Variants in C3orf70 observed in about 807,000 individuals in gnomAD.
C3orf70 encodes the protein chromosome 3 open reading frame 70.
C3orf70 carries 15 observed loss-of-function variants against 20.7 expected under a neutral mutation model. That is an observed-to-expected ratio of 0.72 (90% CI 0.48 to 1.11). The LOEUF (loss-of-function observed/expected upper bound fraction) is 1.11. C3orf70 is among the 50% of genes most tolerant of loss of function. The pLI, the probability that C3orf70 is intolerant of heterozygous loss-of-function variation, is 0.00. For synonymous variants in C3orf70, 161 were observed against 125.7 expected (o/e 1.28, Z -1.88); for missense variants, 332 against 317.6 (o/e 1.05, Z -0.34).
intron 1 of C3orf70, among the ~76,000 whole-genome samples, chr3:185,151,560 A>G (rs1716989427): frequency 1.3e-5 from 2 of 152,238 alleles, no homozygotes; most frequent in Non-Finnish European, 2.9e-5. Context: ...TTGTAAAGAA[A>G]ATGATCCTCT....
At chr3:185,091,939 ATATATATATATATATATATATATATTT>A (rs1371078175) in intron 1 of C3orf70, among the ~76,000 whole-genome samples, 77 of 5,876 alleles carry the variant, frequency 0.013, 10 homozygotes, top group African/African-American at 0.038. Flanking sequence ...ATATATATAT[ATATATATATATATATATATATATATTT>A]TTTTTTTTTT....
intron 1 of C3orf70, among the ~76,000 whole-genome samples, chr3:185,140,452 G>A (rs989278246): frequency 6.6e-6 from 1 of 152,160 alleles, no homozygotes; most frequent in Non-Finnish European, 1.5e-5. Context: ...AAATAAGCAC[G>A]TGAACATTAG....
rs1234411321 is a variant in C3orf70 at position 185,091,689 on chromosome 3, C to CT, written c.197-8127dup. On this transcript the variant is annotated intron_variant, in intron 1 of 1. Coordinates refer to ENST00000335012, the MANE Select transcript of C3orf70 (RefSeq NM_001025266.3). ...AGCTCTGCTGCTTGGAGCCATTTTA[C>CT]TTTTTTTTTTTTGGAGGCAGAGTCT... 5.7e-3 allele frequency among the ~76,000 whole-genome samples: 792 copies of CT among 140,142 alleles called. 8 individuals carry two copies. The highest frequency in any genetic ancestry group is 0.018 in the African/African-American group (664 of 37,918). 91.9% of individuals were successfully genotyped at this position (140,142 alleles called of 152,430 possible).
At chr3:185,102,575 A>G (rs899805171) in intron 1 of C3orf70, among the ~76,000 whole-genome samples, 2 of 152,240 alleles carry the variant, frequency 1.3e-5, no homozygotes, top group African/African-American at 4.8e-5. Context: ...ATGCACTGGA[A>G]CCAAAAACGA....
At position 185,078,803 on chromosome 3, in the gene C3orf70, T is replaced by C. The variant is rs534542353; in HGVS notation, c.*4204A>G. Reference sequence around the variant, plus strand: ...ATATTAAGAGCTGACTGTAGAAATATTTTAACTTGTGCTTTTTCTCCTGCC... The same window carrying C: ...ATATTAAGAGCTGACTGTAGAAATACTTTAACTTGTGCTTTTTCTCCTGCC... On this transcript the variant is annotated 3_prime_UTR_variant, in exon 2 of 2. Transcript: ENST00000335012. The C allele has an allele frequency of 6.6e-6, 1 of 152,340 alleles. No homozygotes were observed. Among genetic ancestry groups the C allele is most frequent in the East Asian group, 1.9e-4 (1 of 5,192 alleles). 9.4% of individuals were successfully genotyped at this position (152,340 alleles called of 1,614,324 possible). A position where few individuals can be genotyped will look rare whatever the true frequency, so the allele number is the denominator to read the frequency against.
At chr3:185,117,493 T>A (rs13433870) in intron 1 of C3orf70, among the ~76,000 whole-genome samples, 7,811 of 151,100 alleles carry the variant, frequency 0.052, 657 homozygotes, top group African/African-American at 0.18. Context: ...GCCACTGATA[T>A]GGCAGAACTG....
intron 1 of C3orf70, among the ~76,000 whole-genome samples, chr3:185,146,067 C>A (rs1716868926): frequency 1.3e-5 from 2 of 152,006 alleles, no homozygotes; most frequent in Admixed American, 1.3e-4. Context: ...TCTCGAAGAA[C>A]CTATCAGCTT....
chr3:185,116,945 AT>A (rs944935701), intron 1 of C3orf70, among the ~76,000 whole-genome samples: 2 of 151,406 alleles, frequency 1.3e-5, no homozygotes, highest in African/African-American at 4.9e-5. Context: ...TGCCCGGCTA[AT>A]TTTTTTTGTA....
intron 1 of C3orf70, among the ~76,000 whole-genome samples, chr3:185,092,645 C>A (rs900540631): frequency 1.3e-5 from 2 of 152,106 alleles, no homozygotes; most frequent in African/African-American, 4.8e-5. Flanking sequence ...ATGATTAAAA[C>A]CAATAAAAGT....
At chr3:185,137,717 A>T (rs1048008152) in intron 1 of C3orf70, among the ~76,000 whole-genome samples, 8 of 152,228 alleles carry the variant, frequency 5.3e-5, no homozygotes, top group Non-Finnish European at 8.8e-5. Flanking sequence ...AAAATAAAAC[A>T]CATAAAAATT....
intron 1 of C3orf70, among the ~76,000 whole-genome samples, chr3:185,134,116 C>CTCATATATATATATATATAT (rs71298571): frequency 5.2e-5 from 7 of 134,642 alleles, no homozygotes; most frequent in Non-Finnish European, 1.0e-4. Context: ...AAAAATACAT[C>CTCATATATATATATATATAT]ATATATATAT....
intron 1 of C3orf70, among the ~76,000 whole-genome samples, chr3:185,140,122 T>C (rs769502827): frequency 3.7e-4 from 56 of 152,180 alleles, no homozygotes; most frequent in Non-Finnish European, 7.5e-4. Context: ...TATTCATGGG[T>C]TTCACACCCT....
At chr3:185,095,421 C>T (rs1715680927) in intron 1 of C3orf70, among the ~76,000 whole-genome samples, 1 of 152,156 alleles carries the variant, frequency 6.6e-6, no homozygotes, top group African/African-American at 2.4e-5. Flanking sequence ...TTATTAGCAG[C>T]CATTAAGTCA....
intron 1 of C3orf70, among the ~76,000 whole-genome samples, chr3:185,085,546 A>G (rs1340867022): frequency 6.6e-6 from 1 of 152,208 alleles, no homozygotes; most frequent in African/African-American, 2.4e-5. Flanking sequence ...CCAAGCCTGG[A>G]CGTACCTCAT....
In C3orf70 at chr3:185,083,020, T is replaced by C. The variant is rs1481342142; in HGVS notation, c.740A>G (p.Glu247Gly). ...CTGTCTGGACTCTCACACAGTCGTT[T>C]CTATCGTTTCAATCACTTCCAGGTC... ...QSDLEVIETI[E>G]TTV Residue 247 changes from glutamate to glycine, a missense_variant, in exon 2 of 2, where the codon GAA becomes GGA. Transcript: ENST00000335012. 2 of 1,613,550 alleles carry C rather than the reference T, an allele frequency of 1.2e-6. No homozygotes were observed. Among genetic ancestry groups the C allele is most frequent in the African/African-American group, 2.7e-5 (2 of 74,898 alleles).
chr3:185,147,262 G>C (rs909582880), intron 1 of C3orf70, among the ~76,000 whole-genome samples: 15 of 151,962 alleles, frequency 9.9e-5, no homozygotes, highest in Non-Finnish European at 2.1e-4. Flanking sequence ...CCAACTCTGA[G>C]TTTGGCTGGT....
chr3:185,082,848 G>A lies in C3orf70; in HGVS notation c.*159C>T, dbSNP rs1346168530. 8 of 674,248 alleles carry A rather than the reference G, an allele frequency of 1.2e-5. No homozygotes were observed. The highest frequency in any genetic ancestry group is 2.5e-5 in the East Asian group (1 of 39,844). 41.8% of individuals were successfully genotyped at this position (674,248 alleles called of 1,614,324 possible). A position where few individuals can be genotyped will look rare whatever the true frequency, so the allele number is the denominator to read the frequency against. On this transcript the variant is annotated 3_prime_UTR_variant, in exon 2 of 2. Transcript: ENST00000335012. The stretch of plus-strand genomic sequence containing the variant: ...AAAAAGAATGTCTTAGTTGTAAGAC[G>A]GAGAGAAGCTAATCAGCATACCACT...
intron 1 of C3orf70, among the ~76,000 whole-genome samples, chr3:185,142,506 A>C (rs1716775989): frequency 6.6e-6 from 1 of 152,228 alleles, no homozygotes; most frequent in East Asian, 1.9e-4. Context: ...TCATTATAAA[A>C]GATGTCATCA....
rs6783155 is a variant in C3orf70, at chr3:185,152,752, C to T, written c.72G>A (p.Leu24=). 2,934 of 1,594,356 alleles carry T rather than the reference C, an allele frequency of 1.8e-3. 64 individuals carry two copies. The African/African-American group carries it at 0.036, about 19-fold the overall frequency. ...GTCTGCGGGCGGCGCAACTCCGCGC[C>T]AGGGCCTGAGCCTCATCTAGTTTCT... ...KSEKLDEAQA[L]ARSCAARRPD... Residue 24 remains leucine (L), a synonymous_variant, in exon 1 of 2, where the codon CTG becomes CTA. Transcript: ENST00000335012.
Sources: gnomAD v4.1 joint callset for allele counts (sites outside exome capture counted in the v4.1 genomes callset) on GRCh38, gnomAD v4.1.1 for gene constraint, MANE v1.5 for transcripts, NCBI Gene and HGNC (gene_info 2026-07-23, HGNC 2026-07-21) for gene names.